NLN: variants seen among roughly 807,000 people sequenced by gnomAD.
The protein encoded by NLN is neurolysin.
NLN carries 64 observed loss-of-function variants against 79.9 expected under a neutral mutation model. That is an observed-to-expected ratio of 0.80 (90% confidence interval 0.65 to 0.99). The LOEUF is 0.99. Ranked by LOEUF, NLN falls within the 50% of genes least tolerant of loss-of-function variation. NLN has a pLI of 0.00. For missense variants in NLN, 835 were observed against 858.7 expected, an observed-to-expected ratio of 0.97 and a Z score of 0.34; for synonymous variants, 267 against 296.6, an observed-to-expected ratio of 0.90 and a Z score of 1.02.
intron 1 of NLN, among the ~76,000 whole-genome samples, chr5:65,726,967 G>A (rs1040932003): frequency 1.3e-5 from 2 of 152,058 alleles, no homozygotes; most frequent in African/African-American, 2.4e-5. Context: ...GTTTCCATTG[G>A]GTTTTCTTGT....
In NLN at chr5:65,722,281, T is replaced by A; in HGVS notation, c.-93T>A. On this transcript the variant is annotated 5_prime_UTR_variant, in exon 1 of 13. Coordinates refer to ENST00000380985, the MANE Select transcript of NLN (RefSeq NM_020726.5). ...CTGTGGCCTCTGCGGCTAGGCCGGC[T>A]CGAGACTCCCGGGCGCCCAGGCGCT... 3 of 1,010,230 alleles carry A rather than the reference T, an allele frequency of 3.0e-6. No individual in the cohort carries two copies. The highest frequency in any genetic ancestry group is 2.8e-6 in the Non-Finnish European group (2 of 720,294). 62.6% of individuals were successfully genotyped at this position (1,010,230 alleles called of 1,614,324 possible).
intron 9 of NLN, among the ~76,000 whole-genome samples, chr5:65,807,686 C>T (rs1227110830): frequency 6.6e-6 from 1 of 152,160 alleles, no homozygotes; most frequent in Non-Finnish European, 1.5e-5. Context: ...GTGATCCACC[C>T]ACCTCCGCCT....
rs768802915 is a variant in NLN at position 65,788,136 on chromosome 5, T to G, written c.977T>G (p.Leu326Ter). The change falls in exon 8 of 13, where the codon TTA becomes TGA. Residue 326 changes from leucine to a stop codon, truncating the protein, a stop_gained. Coordinates refer to ENST00000380985, the MANE Select transcript of NLN (RefSeq NM_020726.5). LOFTEE classifies it high-confidence loss of function. ...CTTACAGATGATTTAAGCCAGAAGT[T>G]AAAACCCTTGGGTGAAGCAGAACGA... ...TAFLDDLSQK[L>*]KPLGEAEREF... The G allele has an allele frequency of 6.2e-7, 1 of 1,613,448 alleles. No homozygotes were observed. The highest frequency in any genetic ancestry group is 1.7e-5 in the Admixed American group (1 of 59,856).
At position 65,813,046 on chromosome 5, in the gene NLN, C is replaced by A. The variant is rs182373822; in HGVS notation, c.1980+655C>A. Reference sequence around the variant, plus strand: ...ATTTTCCAATGTATGTTTTTAAATTCTTCGATTCAGAAATTAGAAGAACAA... The same window carrying A: ...ATTTTCCAATGTATGTTTTTAAATTATTCGATTCAGAAATTAGAAGAACAA... On this transcript the variant is annotated intron_variant, in intron 12 of 12. Coordinates refer to ENST00000380985, the MANE Select transcript of NLN (RefSeq NM_020726.5). Among the ~76,000 whole-genome samples, 213 of 152,282 alleles carry A rather than the reference C, an allele frequency of 1.4e-3. 1 individual carries two copies. The highest frequency in any genetic ancestry group is 4.8e-3 in the African/African-American group (201 of 41,552).
rs1193582810 is a variant in NLN at position 65,809,692 on chromosome 5, G to A, written c.1705G>A (p.Val569Ile). Residue 569 changes from valine to isoleucine, a missense_variant, in exon 10 of 13, where the codon GTC (valine) becomes ATC (isoleucine). By Grantham distance (29) the Val-to-Ile change is conservative (BLOSUM62 3). Transcript: ENST00000380985. ...LLEKLVASRL[V>I]NTGLLTLRQI... ...TGAAAAACTTGTTGCTTCTAGGCTG[G>A]TCAACACAGGTATGACTTCTAATTT... 1.3e-6 allele frequency: 2 copies of A among 1,598,186 alleles called. No homozygotes were observed. The highest frequency in any genetic ancestry group is 1.4e-5 in the African/African-American group (1 of 73,938).
chr5:65,809,375 T>C (rs760665159), intron 9 of NLN, 140 bp from the exon 10 acceptor site: 57 of 651,942 alleles, frequency 8.7e-5, no homozygotes, highest in Non-Finnish European at 1.3e-4. Flanking sequence ...TTCACTTGAC[T>C]ATGAGGTTAT....
intron 12 of NLN, among the ~76,000 whole-genome samples, chr5:65,816,652 T>C (rs974954864): frequency 6.6e-6 from 1 of 152,230 alleles, no homozygotes; most frequent in African/African-American, 2.4e-5. Flanking sequence ...TGGCATTATC[T>C]TGAGTTGTTC....
At chr5:65,758,894 G>T in intron 2 of NLN, 68 bp downstream of exon 2, 1 of 1,403,794 alleles carries the variant, frequency 7.1e-7, no homozygotes, top group Admixed American at 2.0e-5. Context: ...CATGCTTTCT[G>T]TCTTTCAGTT....
chr5:65,823,066 TAAATGG>T lies in NLN; in HGVS notation c.*154_*159del. ...TCTAATTTTAAAAATTATAAAGATGTAAATGGAATTATAAATACTGTGACCTAAGAA... is the reference window on the plus strand; with the variant it reads ...TCTAATTTTAAAAATTATAAAGATGTAATTATAAATACTGTGACCTAAGAA... On this transcript the variant is annotated 3_prime_UTR_variant, in exon 13 of 13. Coordinates refer to ENST00000380985, the MANE Select transcript of NLN (RefSeq NM_020726.5). 1 of 592,840 alleles carries T rather than the reference TAAATGG, an allele frequency of 1.7e-6. No individual in the cohort carries two copies. Among genetic ancestry groups the T allele is most frequent in the South Asian group, 2.4e-5 (1 of 41,176 alleles). The allele number at this position is 592,840 out of a possible 1,614,324, so 36.7% of individuals were successfully genotyped here.
Position 65,788,210 on chromosome 5 carries a change from G to A in NLN, c.1051G>A (p.Glu351Lys), listed in dbSNP as rs1759978397. 6.2e-7 allele frequency: 1 copy of A among 1,614,120 alleles called. No homozygotes were observed. Residue 351 changes from glutamate (E) to lysine (K), a missense_variant, in exon 8 of 13, where the codon GAA becomes AAA. By Grantham distance (56) the Glu-to-Lys change is moderately conservative (BLOSUM62 1). Coordinates refer to ENST00000380985, the MANE Select transcript of NLN (RefSeq NM_020726.5). The stretch of plus-strand genomic sequence containing the variant: ...AAAGGAATGCAAAGACAGGGGTTTT[G>A]AATATGATGGGAAAATCAATGCCTG... ...KKKECKDRGF[E>K]YDGKINAWDL...
chr5:65,810,319 T>C (rs996130892), intron 11 of NLN, among the ~76,000 whole-genome samples, 154 bp downstream of exon 11: 1 of 152,218 alleles, frequency 6.6e-6, no homozygotes, highest in Non-Finnish European at 1.5e-5. Flanking sequence ...ACTATGTCCT[T>C]ATGAGTTATC....
intron 3 of NLN, among the ~76,000 whole-genome samples, chr5:65,776,701 G>C (rs1759686347): frequency 6.6e-6 from 1 of 152,184 alleles, no homozygotes; most frequent in Non-Finnish European, 1.5e-5. Flanking sequence ...TTATTACCTT[G>C]CTGTGGCTAG....
intron 1 of NLN, among the ~76,000 whole-genome samples, chr5:65,752,062 A>T (rs1028593011): frequency 6.6e-6 from 1 of 152,082 alleles, no homozygotes; most frequent in Non-Finnish European, 1.5e-5. Flanking sequence ...CAACATGGGA[A>T]AACCACATCT....
At chr5:65,817,538 A>C (rs931321825) in intron 12 of NLN, among the ~76,000 whole-genome samples, 1 of 152,218 alleles carries the variant, frequency 6.6e-6, no homozygotes, top group African/African-American at 2.4e-5. Context: ...ATTTTCTAAG[A>C]GGTAATAGAC....
At chr5:65,813,003 T>C (rs1760587679) in intron 12 of NLN, among the ~76,000 whole-genome samples, 1 of 152,384 alleles carries the variant, frequency 6.6e-6, no homozygotes, top group African/African-American at 2.4e-5. Context: ...TCCATCAGAT[T>C]ATTTCCAAGG....
intron 12 of NLN, among the ~76,000 whole-genome samples, chr5:65,817,644 A>C (rs753019129): frequency 3.3e-5 from 5 of 152,222 alleles, no homozygotes; most frequent in Non-Finnish European, 5.9e-5. Flanking sequence ...CTTCCATCAG[A>C]GGAGAAGAAA....
chr5:65,782,243 CA>C (rs1401441209), intron 6 of NLN, among the ~76,000 whole-genome samples: 2 of 152,108 alleles, frequency 1.3e-5, no homozygotes, highest in African/African-American at 4.8e-5. Flanking sequence ...TGTTTTTGTC[CA>C]TTATCCTTGA....
chr5:65,752,530 T>C (rs915773618), intron 1 of NLN, among the ~76,000 whole-genome samples: 1 of 152,226 alleles, frequency 6.6e-6, no homozygotes, highest in African/African-American at 2.4e-5. Flanking sequence ...TTCACCAGGT[T>C]CTCAAGAATA....
At chr5:65,765,503 A>G (rs1446859483) in intron 3 of NLN, among the ~76,000 whole-genome samples, 1 of 152,080 alleles carries the variant, frequency 6.6e-6, no homozygotes, top group African/African-American at 2.4e-5. Flanking sequence ...GGGCAACAAG[A>G]GCAAAACTTC....
Sources: gnomAD v4.1 joint callset for allele counts (sites outside exome capture counted in the v4.1 genomes callset) on GRCh38, gnomAD v4.1.1 for gene constraint, MANE v1.5 for transcripts, NCBI Gene and HGNC (gene_info 2026-07-23, HGNC 2026-07-21) for gene names.